The following SLC44A5 variants were observed in gnomAD, a reference collection of about 807,000 sequenced individuals.
SLC44A5 encodes choline transporter-like protein 5.
Under a neutral mutation model 101.8 loss-of-function variants are expected in SLC44A5, and 57 were observed. The observed-to-expected ratio is 0.56, with a 90% CI of 0.45 to 0.70. The LOEUF is 0.70. SLC44A5 is among the 30% of genes least tolerant of loss of function. The pLI, the probability that SLC44A5 is intolerant of heterozygous loss-of-function variation, is 0.00. For missense variants in SLC44A5, 737 were observed against 853.1 expected (o/e 0.86, Z 1.70); for synonymous variants, 281 against 290.9 (o/e 0.97, Z 0.35).
At chr1:75,278,974 T>C (rs1396112424) in intron 5 of SLC44A5, among the ~76,000 whole-genome samples, 2 of 152,146 alleles carry the variant, frequency 1.3e-5, no homozygotes, top group Non-Finnish European at 2.9e-5. Flanking sequence ...GATGTTTTGA[T>C]ACATGTATAC....
At chr1:75,446,013 A>G (rs1054369367) in intron 2 of SLC44A5, among the ~76,000 whole-genome samples, 4 of 151,546 alleles carry the variant, frequency 2.6e-5, no homozygotes, top group African/African-American at 9.7e-5. Flanking sequence ...TCCAAAACAA[A>G]CTCCAAATTG....
chr1:75,452,191 C>T (rs542039791), intron 2 of SLC44A5, among the ~76,000 whole-genome samples: 6 of 152,246 alleles, frequency 3.9e-5, no homozygotes, highest in Middle Eastern at 3.4e-3. Context: ...GTCAGTCTAA[C>T]GGTGGACTTT....
At chr1:75,209,492 T>C (rs1646811911) in intron 23 of SLC44A5, among the ~76,000 whole-genome samples, 1 of 152,164 alleles carries the variant, frequency 6.6e-6, no homozygotes, top group Admixed American at 6.5e-5. Context: ...GAACTGTTTG[T>C]TCATGTGATA....
the SLC44A5 span, among the ~76,000 whole-genome samples, chr1:75,698,128 G>T: frequency 1.3e-5 from 2 of 152,212 alleles, no homozygotes; most frequent in African/African-American, 4.8e-5. Context: ...CAGCTTGGAA[G>T]CTCAAATTGG....
At chr1:75,365,113 A>G (rs1659765039) in intron 3 of SLC44A5, among the ~76,000 whole-genome samples, 1 of 151,876 alleles carries the variant, frequency 6.6e-6, no homozygotes, top group Non-Finnish European at 1.5e-5. Flanking sequence ...TTCTCTTGCT[A>G]TCATTTTTTT....
chr1:75,284,972 T>C (rs1039913852), intron 5 of SLC44A5, among the ~76,000 whole-genome samples: 1 of 152,124 alleles, frequency 6.6e-6, no homozygotes, highest in Non-Finnish European at 1.5e-5. Flanking sequence ...ATAGATTTTT[T>C]GTGTGTGTTA....
intron 2 of SLC44A5, among the ~76,000 whole-genome samples, chr1:75,512,597 A>G (rs1289756726): frequency 6.6e-6 from 1 of 152,172 alleles, no homozygotes; most frequent in Non-Finnish European, 1.5e-5. Flanking sequence ...ACAAGTTCCT[A>G]CTCTCATGAA....
At position 75,223,720 on chromosome 1, in the gene SLC44A5, G is replaced by A. The variant is rs555698689; in HGVS notation, c.986-1260C>T. ...TGAAATTCTGACACATCACACATCA[G>A]TTACTGTCTCCGAGTAAGCAGAAGT... is the stretch of plus-strand genomic sequence containing the variant. On this transcript the variant is annotated intron_variant, in intron 13 of 23. Coordinates refer to ENST00000370859, the MANE Select transcript of SLC44A5 (RefSeq NM_001130058.2). Among the ~76,000 whole-genome samples the A allele has an allele frequency of 2.5e-3, 373 of 152,228 alleles. 1 individual carries two copies. The highest frequency in any genetic ancestry group is 0.014 in the Middle Eastern group (4 of 294).
the SLC44A5 span, among the ~76,000 whole-genome samples, chr1:75,717,817 G>A: frequency 1.3e-5 from 2 of 152,168 alleles, no homozygotes; most frequent in African/African-American, 4.8e-5. Flanking sequence ...ACCAAAGGGA[G>A]CCCCTGCTGG....
chr1:75,333,689 TAA>T (rs1657226868), intron 4 of SLC44A5, among the ~76,000 whole-genome samples: 1 of 152,104 alleles, frequency 6.6e-6, no homozygotes, highest in Non-Finnish European at 1.5e-5. Context: ...AGGCAGATAA[TAA>T]AGAGATTAAT....
upstream of SLC44A5, among the ~76,000 whole-genome samples, chr1:75,612,261 G>C (rs1406691548): frequency 6.6e-6 from 1 of 152,146 alleles, no homozygotes; most frequent in Non-Finnish European, 1.5e-5. Context: ...GGAGAGGAAT[G>C]TATCCCCAAA....
intron 3 of SLC44A5, chr1:75,357,225 C>T (rs1242230566): frequency 2.2e-6 from 1 of 455,854 alleles, no homozygotes; most frequent in Non-Finnish European, 4.4e-6. Context: ...TCTTTCCAAC[C>T]TCTAAAAGAA....
At chr1:75,546,191 A>ATT (rs1168373081) in intron 1 of SLC44A5, among the ~76,000 whole-genome samples, 3 of 10,216 alleles carry the variant, frequency 2.9e-4, no homozygotes, top group African/African-American at 5.6e-4. Flanking sequence ...CAAATTCAAA[A>ATT]TTTTTTTTTT....
chr1:75,259,773 C>T (rs562977008), intron 6 of SLC44A5, among the ~76,000 whole-genome samples: 1 of 152,174 alleles, frequency 6.6e-6, no homozygotes, highest in East Asian at 1.9e-4. Flanking sequence ...TTAAGGGCAG[C>T]CAGAGAGAAA....
At chr1:75,281,426 G>C (rs966630717) in intron 5 of SLC44A5, among the ~76,000 whole-genome samples, 6 of 152,010 alleles carry the variant, frequency 3.9e-5, no homozygotes, top group African/African-American at 1.5e-4. Context: ...AAAATTTGCA[G>C]CCCAACAATG....
intron 9 of SLC44A5, among the ~76,000 whole-genome samples, chr1:75,241,691 A>G (rs1457768999): frequency 6.6e-6 from 1 of 152,112 alleles, no homozygotes. Flanking sequence ...GTATATGAGC[A>G]TATCTGTGTG....
At chr1:75,476,323 C>T (rs544478653) in intron 2 of SLC44A5, among the ~76,000 whole-genome samples, 262 of 152,282 alleles carry the variant, frequency 1.7e-3, no homozygotes, top group African/African-American at 5.8e-3. Flanking sequence ...GCGTGAGTGA[C>T]GCAGAAGATG....
intron 2 of SLC44A5, among the ~76,000 whole-genome samples, chr1:75,435,496 A>G (rs113977962): frequency 2.3e-4 from 35 of 152,210 alleles, no homozygotes; most frequent in African/African-American, 7.9e-4. Flanking sequence ...CCAGATTTTT[A>G]TACACCAAAA....
At chr1:75,417,970 G>A (rs1663764080) in intron 2 of SLC44A5, among the ~76,000 whole-genome samples, 1 of 152,222 alleles carries the variant, frequency 6.6e-6, no homozygotes, top group Non-Finnish European at 1.5e-5. Context: ...TGTTTTAAAA[G>A]ATTGTAGCAA....
Sources: allele counts gnomAD v4.1 joint callset (sites outside exome capture counted in the v4.1 genomes callset), GRCh38; gene constraint gnomAD v4.1.1; transcripts MANE v1.5; gene names NCBI Gene and HGNC (gene_info 2026-07-23, HGNC 2026-07-21).